Variants in OPCML observed in about 807,000 individuals in gnomAD.
OPCML encodes opioid-binding protein/cell adhesion molecule.
A neutral mutation model predicts 37.8 loss-of-function variants in OPCML; 13 were observed. The ratio of observed to expected loss-of-function variants is 0.34; its 90% confidence interval spans 0.22 to 0.55. The LOEUF (loss-of-function observed/expected upper bound fraction) is 0.55, where lower values mean the gene tolerates loss of function less well. OPCML is among the 20% of genes least tolerant of loss of function. The pLI is 0.91. For missense variants in OPCML, 341 were observed against 435.6 expected (o/e 0.78, Z 1.93); for synonymous variants, 176 against 168.8 (o/e 1.04, Z -0.33).
At chr11:132,582,165 A>G (rs2096463490) in intron 3 of OPCML, among the ~76,000 whole-genome samples, 1 of 151,006 alleles carries the variant, frequency 6.6e-6, no homozygotes, top group African/African-American at 2.4e-5. Context: ...AGAGAGAGAG[A>G]GTGCCTGCAA....
chr11:132,638,186 T>TATATATATATATATATAGAG (rs71067383), intron 3 of OPCML, among the ~76,000 whole-genome samples: 9 of 131,080 alleles, frequency 6.9e-5, no homozygotes, highest in African/African-American at 2.5e-4. Flanking sequence ...TATATATATA[T>TATATATATATATATATAGAG]ACAGAGAGAG....
Position 132,678,986 on chromosome 11 carries a change from G to A in OPCML, c.147-21667C>T, listed in dbSNP as rs531558439. ...TCTGGGGGAGAGCAGGGGATGTGTGGGGACTCTGTATATTTCTCTCAATTT... is the reference window on the plus strand; with the variant it reads ...TCTGGGGGAGAGCAGGGGATGTGTGAGGACTCTGTATATTTCTCTCAATTT... On this transcript the variant is annotated intron_variant, in intron 2 of 7. Coordinates refer to ENST00000524381, the MANE Select transcript of OPCML (RefSeq NM_001012393.5). 1.8e-4 allele frequency among the ~76,000 whole-genome samples: 28 copies of A among 152,132 alleles called. 1 individual carries two copies. The East Asian group carries it at 5.2e-3, about 28-fold the overall frequency.
chr11:133,100,471 A>C (rs1044143450), intron 1 of OPCML, among the ~76,000 whole-genome samples: 3 of 152,234 alleles, frequency 2.0e-5, no homozygotes, highest in African/African-American at 7.2e-5. Context: ...AATGACTCTA[A>C]AATTTATATG....
chr11:133,503,026 T>C (rs1374529131), intron 1 of OPCML, among the ~76,000 whole-genome samples: 1 of 152,148 alleles, frequency 6.6e-6, no homozygotes, highest in Non-Finnish European at 1.5e-5. Flanking sequence ...CTTATTAATA[T>C]TGATGGGGCA....
chr11:132,910,908 G>A (rs555412607), intron 2 of OPCML, among the ~76,000 whole-genome samples: 1 of 152,284 alleles, frequency 6.6e-6, no homozygotes, highest in South Asian at 2.1e-4. Context: ...AGTGAACAAA[G>A]ACCCCAGGTA....
intron 2 of OPCML, among the ~76,000 whole-genome samples, chr11:132,914,788 A>G (rs1001487591): frequency 2.6e-5 from 4 of 152,212 alleles, no homozygotes; most frequent in Admixed American, 2.0e-4. Flanking sequence ...CAGAGCCCCA[A>G]GGAGCTGGCT....
At chr11:133,106,160 A>G (rs1949154376) in intron 1 of OPCML, among the ~76,000 whole-genome samples, 2 of 152,210 alleles carry the variant, frequency 1.3e-5, no homozygotes, top group African/African-American at 4.8e-5. Context: ...CAATTGCTCA[A>G]TAGTGCATAT....
intron 1 of OPCML, among the ~76,000 whole-genome samples, chr11:133,320,298 C>T (rs936680432): frequency 6.6e-6 from 1 of 152,132 alleles, no homozygotes; most frequent in African/African-American, 2.4e-5. Context: ...ACCCATCGCC[C>T]CTCCTATTCA....
chr11:132,541,594 C>T (rs903529102), intron 3 of OPCML, among the ~76,000 whole-genome samples: 2 of 151,656 alleles, frequency 1.3e-5, no homozygotes, highest in Admixed American at 6.6e-5. Context: ...CAAAGTTTGC[C>T]ACACATCACT....
chr11:132,452,266 C>T (rs2096070203), intron 4 of OPCML, among the ~76,000 whole-genome samples: 2 of 152,054 alleles, frequency 1.3e-5, no homozygotes, highest in African/African-American at 4.8e-5. Flanking sequence ...TTCACAGAAA[C>T]AAGCAAACAG....
intron 1 of OPCML, among the ~76,000 whole-genome samples, chr11:133,170,929 T>C (rs1391837263): frequency 6.6e-6 from 1 of 152,308 alleles, no homozygotes; most frequent in East Asian, 1.9e-4. Flanking sequence ...TCAGACTCCC[T>C]GGGGAGACTC....
intron 1 of OPCML, among the ~76,000 whole-genome samples, chr11:133,253,976 T>G (rs545616247): frequency 6.4e-4 from 97 of 151,872 alleles, no homozygotes; most frequent in African/African-American, 2.2e-3. Flanking sequence ...AACATTACTC[T>G]CAATCTCCTA....
chr11:133,296,540 A>G (rs1470928324), intron 1 of OPCML, among the ~76,000 whole-genome samples: 2 of 152,220 alleles, frequency 1.3e-5, no homozygotes, highest in Non-Finnish European at 2.9e-5. Flanking sequence ...ATAGACACAA[A>G]GAAAATGTTA....
At chr11:133,323,488 G>A (rs1943380294) in intron 1 of OPCML, among the ~76,000 whole-genome samples, 2 of 152,190 alleles carry the variant, frequency 1.3e-5, no homozygotes, top group South Asian at 2.1e-4. Context: ...GGCACCCAGA[G>A]AAAAGCAGCT....
intron 1 of OPCML, among the ~76,000 whole-genome samples, chr11:133,469,655 C>T (rs1294605985): frequency 3.3e-5 from 5 of 152,148 alleles, no homozygotes; most frequent in African/African-American, 1.2e-4. Flanking sequence ...GAAGAATCCT[C>T]ATCTCTAAAC....
chr11:132,513,122 G>A (rs2096272377), intron 4 of OPCML, among the ~76,000 whole-genome samples: 1 of 152,064 alleles, frequency 6.6e-6, no homozygotes, highest in Admixed American at 6.6e-5. Context: ...CTAATGTTAA[G>A]CAGAACAATG....
Position 132,888,871 on chromosome 11 carries a change from G to A in OPCML, c.146+54055C>T, listed in dbSNP as rs199717399. ...CAAATTTTACAACAAAAAAAAAAAA[G>A]AAAAAAAAAATCTGTTCCCTTTACA... On this transcript the variant is annotated intron_variant, in intron 2 of 7. Transcript: ENST00000524381. 2.9e-4 allele frequency among the ~76,000 whole-genome samples: 41 copies of A among 142,286 alleles called. 1 individual carries two copies. In the South Asian group the frequency reaches 3.4e-3, roughly 12 times the overall value. 93.3% of individuals were successfully genotyped at this position (142,286 alleles called of 152,430 possible).
At chr11:133,202,407 A>G (rs912906981) in intron 1 of OPCML, among the ~76,000 whole-genome samples, 17 of 152,182 alleles carry the variant, frequency 1.1e-4, no homozygotes, top group African/African-American at 4.1e-4. Context: ...CATGGCTTCT[A>G]TGGTCCCTCC....
chr11:132,796,811 C>T (rs1938351902), intron 2 of OPCML, among the ~76,000 whole-genome samples: 2 of 151,998 alleles, frequency 1.3e-5, no homozygotes, highest in Admixed American at 1.3e-4. Flanking sequence ...ATCTCCTGAC[C>T]TCGTGATCTG....
Sources: gnomAD v4.1 joint callset for allele counts (sites outside exome capture counted in the v4.1 genomes callset) on GRCh38, gnomAD v4.1.1 for gene constraint, MANE v1.5 for transcripts, NCBI Gene and HGNC (gene_info 2026-07-23, HGNC 2026-07-21) for gene names.